The following OSBPL1A variants were observed in gnomAD, a reference collection of about 807,000 sequenced individuals.
OSBPL1A encodes oxysterol-binding protein-related protein 1.
Under a neutral mutation model 137.1 loss-of-function variants are expected in OSBPL1A, and 80 were observed. The observed-to-expected ratio is 0.58, with a 90% CI of 0.49 to 0.70. OSBPL1A has a LOEUF of 0.70. Among genes scored for constraint, OSBPL1A ranks in the 30% least tolerant of loss-of-function variants. OSBPL1A has a pLI of 0.00. For missense variants in OSBPL1A, 970 were observed against 1,129.4 expected, an observed-to-expected ratio of 0.86 and a Z score of 2.02; for synonymous variants, 365 against 389.7, an observed-to-expected ratio of 0.94 and a Z score of 0.75.
At chr18:24,208,636 C>T (rs1485549012) in intron 17 of OSBPL1A, among the ~76,000 whole-genome samples, 2 of 152,194 alleles carry the variant, frequency 1.3e-5, no homozygotes, top group Admixed American at 1.3e-4. Context: ...TAATTAAACT[C>T]TTATTACCAT....
chr18:24,316,793 C>A (rs958597211), intron 11 of OSBPL1A, among the ~76,000 whole-genome samples: 1 of 152,108 alleles, frequency 6.6e-6, no homozygotes, highest in Non-Finnish European at 1.5e-5. Flanking sequence ...CTACAACCAA[C>A]AACAATAGCA....
At chr18:24,292,062 G>C (rs919162152) in intron 14 of OSBPL1A, among the ~76,000 whole-genome samples, 19 of 152,098 alleles carry the variant, frequency 1.2e-4, no homozygotes, top group Admixed American at 1.2e-3. Context: ...TCCAGCCTGA[G>C]CAACAGCAAA....
chr18:24,224,995 C>A, intron 17 of OSBPL1A, 47 bp downstream of exon 17: 1 of 1,608,206 alleles, frequency 6.2e-7, no homozygotes, highest in Non-Finnish European at 8.5e-7. Flanking sequence ...TCCAAATGTA[C>A]TTTATCGTAA....
Position 24,170,472 on chromosome 18 carries a change from G to GT in OSBPL1A, c.2292-20dup. 1 of 1,613,656 alleles carries GT rather than the reference G, an allele frequency of 6.2e-7. No homozygotes were observed. The highest frequency in any genetic ancestry group is 8.5e-7 in the Non-Finnish European group (1 of 1,179,916). ...CTTTTTGCTGTCAAGAAAAACTGAT[G>GT]TTTAGTTAACAAACCAGTGTTTGTT... On this transcript the variant is annotated intron_variant, in intron 23 of 27. Coordinates refer to ENST00000319481, the MANE Select transcript of OSBPL1A (RefSeq NM_080597.4).
chr18:24,182,412 T>TCC (rs1034504476), intron 18 of OSBPL1A, among the ~76,000 whole-genome samples: 1 of 152,128 alleles, frequency 6.6e-6, no homozygotes, highest in Non-Finnish European at 1.5e-5. Context: ...TATCGACCAT[T>TCC]CCCTTGGGAA....
intron 26 of OSBPL1A, among the ~76,000 whole-genome samples, chr18:24,166,028 T>C (rs895619460): frequency 3.3e-5 from 5 of 151,726 alleles, no homozygotes; most frequent in African/African-American, 1.2e-4. Context: ...ACCCAGGAGG[T>C]GGAGGTTGCA....
At chr18:24,180,960 T>C (rs2086591643) in intron 19 of OSBPL1A, among the ~76,000 whole-genome samples, 185 bp downstream of exon 19, 1 of 152,182 alleles carries the variant, frequency 6.6e-6, no homozygotes, top group Non-Finnish European at 1.5e-5. Context: ...CCTGCAATAC[T>C]CATCGGTCTC....
rs150920167 is a variant in OSBPL1A at position 24,242,518 on chromosome 18, C to G, written c.1282-3136G>C. Among the ~76,000 whole-genome samples, 457 of 152,214 alleles carry G rather than the reference C, an allele frequency of 3.0e-3. 2 individuals are homozygous for G. Among genetic ancestry groups the G allele is most frequent in the African/African-American group, 0.01 (432 of 41,526 alleles). ...ACACTCCCTCTCCCATGCTCCTCCC[C>G]ACAGCCCCCAAGGATGAAGGCTCTT... is the stretch of plus-strand genomic sequence containing the variant. On this transcript the variant is annotated intron_variant, in intron 15 of 27. Coordinates refer to ENST00000319481, the MANE Select transcript of OSBPL1A (RefSeq NM_080597.4).
rs2086047686 is a variant in OSBPL1A, at chr18:24,162,684, A to G, written c.*495T>C. ...GGGAGGATTAGTATGAATAAAAGCC[A>G]TCTTATCAATGAAGTCTTTATAAAA... On this transcript the variant is annotated 3_prime_UTR_variant, in exon 28 of 28. Transcript: ENST00000319481. The G allele has an allele frequency of 6.6e-6, 1 of 152,370 alleles. No homozygotes were observed. The highest frequency in any genetic ancestry group is 2.4e-5 in the African/African-American group (1 of 41,454). 9.4% of individuals were successfully genotyped at this position (152,370 alleles called of 1,614,324 possible).
intron 14 of OSBPL1A, chr18:24,302,655 C>A (rs1289538987): frequency 6.6e-6 from 1 of 152,194 alleles, no homozygotes; most frequent in South Asian, 2.1e-4. Flanking sequence ...CTCCTGACCT[C>A]AGGTGATCCA....
intron 15 of OSBPL1A, among the ~76,000 whole-genome samples, chr18:24,258,748 T>A (rs1214257528): frequency 6.6e-6 from 1 of 152,044 alleles, no homozygotes; most frequent in Admixed American, 6.6e-5. Flanking sequence ...TCACAAAAAT[T>A]AAAAATTAAA....
At chr18:24,273,386 C>T (rs569724353) in intron 15 of OSBPL1A, among the ~76,000 whole-genome samples, 1 of 152,256 alleles carries the variant, frequency 6.6e-6, no homozygotes, top group African/African-American at 2.4e-5. Flanking sequence ...GGTAGCAAAA[C>T]AATGAACAAC....
intron 19 of OSBPL1A, 50 bp from the exon 20 acceptor site, chr18:24,179,885 C>T: frequency 6.7e-7 from 1 of 1,482,086 alleles, no homozygotes; most frequent in Non-Finnish European, 9.4e-7. Context: ...GCTCGCTCCG[C>T]ATTCTTTTAG....
intron 16 of OSBPL1A, 67 bp downstream of exon 16, chr18:24,239,153 G>C: frequency 6.4e-7 from 1 of 1,565,090 alleles, no homozygotes; most frequent in South Asian, 1.2e-5. Flanking sequence ...GACTCAAGGG[G>C]ACATTGCTCA....
intron 27 of OSBPL1A, among the ~76,000 whole-genome samples, chr18:24,164,000 G>T (rs2086082780): frequency 6.6e-6 from 1 of 152,122 alleles, no homozygotes; most frequent in African/African-American, 2.4e-5. Context: ...AAAGTGCTGG[G>T]ATTACAGGTG....
chr18:24,395,555 C>A (rs1907673376), intron 1 of OSBPL1A, among the ~76,000 whole-genome samples: 1 of 152,114 alleles, frequency 6.6e-6, no homozygotes, highest in African/African-American at 2.4e-5. Context: ...TATTCTTCAA[C>A]CTAATTGTCG....
chr18:24,176,627 A>AT (rs1567921487), intron 21 of OSBPL1A, among the ~76,000 whole-genome samples: 2 of 152,050 alleles, frequency 1.3e-5, no homozygotes, highest in African/African-American at 4.8e-5. Context: ...ACTGATAAAA[A>AT]TTTTTTTTAG....
intron 1 of OSBPL1A, among the ~76,000 whole-genome samples, chr18:24,390,915 C>CA (rs1338344304): frequency 6.6e-6 from 1 of 151,804 alleles, no homozygotes; most frequent in Admixed American, 6.6e-5. Flanking sequence ...GCCTGGCCAA[C>CA]ATGGTGAAAC....
At chr18:24,301,327 G>A (rs2090396535) in intron 14 of OSBPL1A, 2 of 152,296 alleles carry the variant, frequency 1.3e-5, no homozygotes, top group East Asian at 3.9e-4. Context: ...CAGGCAATCT[G>A]AAACAAGAGA....
Sources: gnomAD v4.1 joint callset for allele counts (sites outside exome capture counted in the v4.1 genomes callset) on GRCh38, gnomAD v4.1.1 for gene constraint, MANE v1.5 for transcripts, NCBI Gene and HGNC (gene_info 2026-07-23, HGNC 2026-07-21) for gene names.